Variants in NELL1 observed in about 807,000 individuals in gnomAD.
NELL1 encodes protein kinase C-binding protein NELL1.
A neutral mutation model predicts 107.4 loss-of-function variants in NELL1; 76 were observed. That is an observed-to-expected ratio of 0.71 (90% CI 0.59 to 0.86). NELL1 has a LOEUF of 0.86. Ranked by LOEUF, NELL1 falls within the 40% of genes least tolerant of loss-of-function variation. NELL1 has a pLI of 0.00. For missense variants in NELL1, 1,024 were observed against 1,005.5 expected (o/e 1.02, Z -0.25); for synonymous variants, 353 against 341.2 (o/e 1.03, Z -0.38).
At chr11:20,984,558 A>G (rs149410098) in intron 12 of NELL1, among the ~76,000 whole-genome samples, 9 of 152,268 alleles carry the variant, frequency 5.9e-5, no homozygotes, top group African/African-American at 2.2e-4. Context: ...CCCACTTAGA[A>G]TAGAATAGGT....
intron 5 of NELL1, among the ~76,000 whole-genome samples, chr11:20,908,873 A>G (rs1222751981): frequency 1.3e-5 from 2 of 152,338 alleles, no homozygotes; most frequent in East Asian, 3.9e-4. Context: ...AGACACTTGT[A>G]TGTCAGTGTT....
chr11:21,159,386 A>T (rs1420435213), intron 13 of NELL1, among the ~76,000 whole-genome samples: 1 of 152,168 alleles, frequency 6.6e-6, no homozygotes, highest in Admixed American at 6.5e-5. Context: ...GTATGATAGG[A>T]GGTATGCAAC....
intron 13 of NELL1, among the ~76,000 whole-genome samples, chr11:21,213,731 T>C (rs1857553994): frequency 6.6e-6 from 1 of 152,154 alleles, no homozygotes; most frequent in Non-Finnish European, 1.5e-5. Flanking sequence ...TTAACACAAT[T>C]CAATGGAGAA....
intron 12 of NELL1, among the ~76,000 whole-genome samples, chr11:21,025,070 T>C (rs1386266083): frequency 6.6e-6 from 1 of 152,144 alleles, no homozygotes; most frequent in Non-Finnish European, 1.5e-5. Context: ...TTGGGGACCA[T>C]GGTCTGTATA....
intron 15 of NELL1, among the ~76,000 whole-genome samples, chr11:21,480,745 A>T (rs1323718710): frequency 1.3e-5 from 2 of 152,198 alleles, no homozygotes; most frequent in Non-Finnish European, 2.9e-5. Flanking sequence ...GTTGTGCCAG[A>T]GAGGGGCAAA....
intron 15 of NELL1, among the ~76,000 whole-genome samples, chr11:21,440,754 G>T (rs942185769): frequency 1.3e-5 from 2 of 152,126 alleles, no homozygotes; most frequent in Admixed American, 1.3e-4. Context: ...GTGCCACATA[G>T]TCAAGGAGAA....
At chr11:20,791,021 T>C (rs923718758) in intron 3 of NELL1, among the ~76,000 whole-genome samples, 5 of 152,204 alleles carry the variant, frequency 3.3e-5, no homozygotes, top group African/African-American at 1.2e-4. Context: ...ATCTTCCAAG[T>C]TTGTTCTTCT....
At chr11:21,228,515 C>G (rs927657283) in intron 13 of NELL1, among the ~76,000 whole-genome samples, 2 of 152,166 alleles carry the variant, frequency 1.3e-5, no homozygotes, top group South Asian at 4.1e-4. Context: ...TCAGCACAAT[C>G]CTGTGCTCGC....
intron 18 of NELL1, 137 bp from the exon 19 acceptor site, chr11:21,573,048 T>G (rs951838547): frequency 6.0e-6 from 4 of 669,368 alleles, no homozygotes; most frequent in Non-Finnish European, 1.0e-5. Context: ...AAGGAGGAAG[T>G]GTACTTTATC....
chr11:21,275,780 A>G (rs756343055), intron 14 of NELL1, among the ~76,000 whole-genome samples: 38 of 152,208 alleles, frequency 2.5e-4, no homozygotes, highest in Non-Finnish European at 4.8e-4. Context: ...CAGCATATAA[A>G]CAGAACCAAT....
At chr11:21,383,489 A>G (rs1851660898) in intron 15 of NELL1, among the ~76,000 whole-genome samples, 1 of 151,784 alleles carries the variant, frequency 6.6e-6, no homozygotes. Context: ...AAAGACTTCC[A>G]TAATTGGGCC....
chr11:20,770,974 A>C (rs1856628086), intron 2 of NELL1: 2 of 144,174 alleles, frequency 1.4e-5, no homozygotes, highest in Admixed American at 1.4e-4. Flanking sequence ...GTCTTTCCAG[A>C]AACAACCTGC....
chr11:21,551,667 G>C (rs1215372668), intron 16 of NELL1, among the ~76,000 whole-genome samples: 2 of 151,446 alleles, frequency 1.3e-5, no homozygotes, highest in African/African-American at 4.8e-5. Context: ...GGAGAAATAG[G>C]AACACTTTTA....
intron 3 of NELL1, among the ~76,000 whole-genome samples, chr11:20,796,418 T>C (rs1241182417): frequency 1.3e-5 from 2 of 152,228 alleles, no homozygotes; most frequent in Non-Finnish European, 2.9e-5. Context: ...TGAAGCCATG[T>C]AACTTTCTCC....
At chr11:20,925,941 G>C (rs1850487001) in intron 7 of NELL1, among the ~76,000 whole-genome samples, 1 of 152,152 alleles carries the variant, frequency 6.6e-6, no homozygotes, top group African/African-American at 2.4e-5. Context: ...AATGTAGAAA[G>C]ATGGTGGAAG....
chr11:20,837,919 C>A (rs144406201), intron 3 of NELL1, among the ~76,000 whole-genome samples: 15 of 152,156 alleles, frequency 9.9e-5, no homozygotes, highest in African/African-American at 3.6e-4. Flanking sequence ...ATTCCATCCT[C>A]AAGGAGGTGG....
intron 13 of NELL1, among the ~76,000 whole-genome samples, chr11:21,227,524 C>T (rs941106707): frequency 6.6e-6 from 1 of 152,164 alleles, no homozygotes; most frequent in Non-Finnish European, 1.5e-5. Context: ...AAGAAGGAGG[C>T]TGAAAACTCT....
rs145369823 is a variant in NELL1, at chr11:21,194,622, G to A, written c.1427-34710G>A. On this transcript the variant is annotated intron_variant, in intron 13 of 19. Coordinates refer to ENST00000357134, the MANE Select transcript of NELL1 (RefSeq NM_006157.5). ...GATCAGCAATATCAGCATCACTTGGGAACTTATTAGAAATCCAAATCCTCA... is the reference window on the plus strand; with the variant it reads ...GATCAGCAATATCAGCATCACTTGGAAACTTATTAGAAATCCAAATCCTCA... 1.3e-4 allele frequency among the ~76,000 whole-genome samples: 20 copies of A among 152,160 alleles called. No individual in the cohort carries two copies. The East Asian group carries it at 3.9e-3, about 29-fold the overall frequency.
At chr11:21,001,485 C>T (rs1852219862) in intron 12 of NELL1, among the ~76,000 whole-genome samples, 1 of 151,798 alleles carries the variant, frequency 6.6e-6, no homozygotes, top group South Asian at 2.1e-4. Context: ...CAGCCCTGGG[C>T]AGCAGGCTAA....
Sources: allele counts gnomAD v4.1 joint callset (sites outside exome capture counted in the v4.1 genomes callset), GRCh38; gene constraint gnomAD v4.1.1; transcripts MANE v1.5; gene names NCBI Gene and HGNC (gene_info 2026-07-23, HGNC 2026-07-21).